UPF3A: variants seen among roughly 807,000 people sequenced by gnomAD.
UPF3A encodes regulator of nonsense transcripts 3A.
UPF3A carries 42 observed loss-of-function variants against 53.5 expected under a neutral mutation model. The ratio of observed to expected loss-of-function variants is 0.78; its 90% CI spans 0.61 to 1.01. The LOEUF is 1.01. Among genes scored for constraint, UPF3A ranks in the 50% least tolerant of loss-of-function variants. The probability of loss-of-function intolerance (pLI) is 0.00; values close to 1 mark genes in which losing one functional copy is unlikely to be tolerated. For missense variants in UPF3A, 575 were observed against 598.0 expected (o/e 0.96, Z 0.40); for synonymous variants, 237 against 225.3 (o/e 1.05, Z -0.47).
intron 3 of UPF3A, chr13:114,283,616 C>T (rs1251599763): frequency 2.9e-6 from 1 of 348,796 alleles, no homozygotes; most frequent in Non-Finnish European, 4.0e-6. Context: ...TTCTATCTTC[C>T]TAAACAGCAT....
chr13:114,292,907 T>C (rs949145129), intron 7 of UPF3A, among the ~76,000 whole-genome samples: 2 of 151,898 alleles, frequency 1.3e-5, no homozygotes, highest in African/African-American at 4.8e-5. Flanking sequence ...ACCCTGTCTC[T>C]ACTAAAAATA....
chr13:114,282,910 C>A lies in UPF3A; in HGVS notation c.388C>A (p.Arg130Ser). ...NPDDILLFRD[R>S]FDGYIFLDSK... ...TGATGACATCCTTCTTTTTAGAGAT[C>A]GTTTTGATGGATATATCTTCCTTGA... Residue 130 changes from arginine (R) to serine (S), a missense_variant, in exon 3 of 10, where the codon CGT becomes AGT. This residue lies in a region of UPF3A where 252 missense variants were observed against 182.7 expected (regional missense o/e 1.38). Coordinates refer to ENST00000375299, the MANE Select transcript of UPF3A (RefSeq NM_023011.4). 1 of 1,611,590 alleles carries A rather than the reference C, an allele frequency of 6.2e-7. No individual in the cohort carries two copies. Among genetic ancestry groups the A allele is most frequent in the Non-Finnish European group, 8.5e-7 (1 of 1,178,354 alleles).
chr13:114,303,410 C>G (rs1031244517), intron 9 of UPF3A, among the ~76,000 whole-genome samples: 11 of 152,176 alleles, frequency 7.2e-5, no homozygotes, highest in Non-Finnish European at 1.5e-5. Context: ...GAGCTACTTT[C>G]CCGGGAGCCT....
At chr13:114,293,748 G>C (rs2085544262) in intron 7 of UPF3A, among the ~76,000 whole-genome samples, 1 of 152,136 alleles carries the variant, frequency 6.6e-6, no homozygotes, top group Non-Finnish European at 1.5e-5. Flanking sequence ...TCAGGACTTG[G>C]GGAAAGAAGA....
chr13:114,292,391 G>A lies in UPF3A; in HGVS notation c.846+599G>A, dbSNP rs375152646. On this transcript the variant is annotated intron_variant, in intron 7 of 9. Coordinates refer to ENST00000375299, the MANE Select transcript of UPF3A (RefSeq NM_023011.4). Reference sequence around the variant, plus strand: ...GCAGGTGTGTTACGTGTTCATTTTCGGCTCAAGGCTTACACGTGCAGGTGT... The same window carrying A: ...GCAGGTGTGTTACGTGTTCATTTTCAGCTCAAGGCTTACACGTGCAGGTGT... 5.5e-5 allele frequency among the ~76,000 whole-genome samples: 8 copies of A among 145,966 alleles called. No homozygotes were observed. The East Asian group carries it at 1.4e-3, about 26-fold the overall frequency.
In UPF3A at chr13:114,286,309, A is replaced by G. The variant is rs756447475; in HGVS notation, c.429A>G (p.Glu143=). Residue 143 remains glutamate (E), a synonymous_variant, in exon 4 of 10, where the codon GAA becomes GAG. Transcript: ENST00000375299. ...GYIFLDSKGL[E]YPAVVEFAPF... is the part of the protein sequence containing the mutation. Reference sequence around the variant, plus strand: ...CATGTTTCCTGTTAAAAGGCCTAGAATATCCTGCAGTGGTAGAGTTTGCTC... The same window carrying G: ...CATGTTTCCTGTTAAAAGGCCTAGAGTATCCTGCAGTGGTAGAGTTTGCTC... 6.2e-7 allele frequency: 1 copy of G among 1,613,992 alleles called. No homozygotes were observed. The highest frequency in any genetic ancestry group is 1.3e-5 in the African/African-American group (1 of 74,920).
At chr13:114,296,882 T>C (rs912415807) in intron 7 of UPF3A, among the ~76,000 whole-genome samples, 1 of 152,132 alleles carries the variant, frequency 6.6e-6, no homozygotes, top group Non-Finnish European at 1.5e-5. Context: ...GTTGAATGGG[T>C]GGATGGAGAT....
intron 3 of UPF3A, chr13:114,285,828 A>C (rs2084630194): frequency 6.5e-6 from 1 of 154,974 alleles, no homozygotes; most frequent in Non-Finnish European, 1.4e-5. Flanking sequence ...TGATAGTTGA[A>C]TTAACCTTTT....
chr13:114,300,088 T>C (rs2086459488), intron 8 of UPF3A, among the ~76,000 whole-genome samples: 1 of 152,252 alleles, frequency 6.6e-6, no homozygotes, highest in Non-Finnish European at 1.5e-5. Flanking sequence ...CAGCAGGACC[T>C]ACTGCCACGT....
chr13:114,282,236 G>T (rs1566719585), intron 2 of UPF3A, 109 bp downstream of exon 2: 4 of 950,458 alleles, frequency 4.2e-6, no homozygotes, highest in Non-Finnish European at 4.6e-6. Context: ...TATGGGAGTC[G>T]TGTGAGCTTT....
intron 8 of UPF3A, among the ~76,000 whole-genome samples, chr13:114,300,072 A>G (rs1170240271): frequency 1.3e-5 from 2 of 152,208 alleles, no homozygotes; most frequent in African/African-American, 4.8e-5. Context: ...GTGACAGTTG[A>G]TGACACAGCA....
Position 114,301,863 on chromosome 13 carries a change from A to G in UPF3A, c.1140A>G (p.Arg380=). 6.2e-7 allele frequency: 1 copy of G among 1,612,838 alleles called. No homozygotes were observed. Among genetic ancestry groups the G allele is most frequent in the Non-Finnish European group, 8.5e-7 (1 of 1,179,572 alleles). Residue 380 remains arginine, a synonymous_variant, in exon 9 of 10, where the codon AGA becomes AGG. Coordinates refer to ENST00000375299, the MANE Select transcript of UPF3A (RefSeq NM_023011.4). The part of the protein sequence containing the change: ...RAHHEPERLS[R]RSEDEQRWGK... ...ACCACGAGCCTGAACGGCTTTCCAG[A>G]AGGAGTGAGGATGAGCAGAGATGGG...
At chr13:114,295,122 A>C (rs1175124746) in intron 7 of UPF3A, among the ~76,000 whole-genome samples, 10 of 151,474 alleles carry the variant, frequency 6.6e-5, no homozygotes, top group Non-Finnish European at 1.2e-4. Context: ...AAAAAAAAAA[A>C]AAAAAAGAAA....
chr13:114,283,011 T>G lies in UPF3A; in HGVS notation c.421+68T>G, dbSNP rs761578428. 3.4e-6 allele frequency: 4 copies of G among 1,192,540 alleles called. No individual in the cohort carries two copies. The South Asian group carries it at 5.4e-5, about 16-fold the overall frequency. The allele number at this position is 1,192,540 out of a possible 1,614,324, so 73.9% of individuals were successfully genotyped here. A position where few individuals can be genotyped will look rare whatever the true frequency, so the allele number is the denominator to read the frequency against. On this transcript the variant is annotated intron_variant, in intron 3 of 9. Transcript: ENST00000375299. ...ATACTAATGAAGTATTGCTAGAATA[T>G]TCGTGCTTTTTAAATTATTATTATT...
chr13:114,300,620 A>G (rs1364163128), intron 8 of UPF3A, among the ~76,000 whole-genome samples: 1 of 150,948 alleles, frequency 6.6e-6, no homozygotes, highest in African/African-American at 2.4e-5. Context: ...GCTCACCACA[A>G]CCTCTGCCTC....
In UPF3A at chr13:114,305,105, A is replaced by G. The variant is rs547379558; in HGVS notation, c.*188A>G. 10 of 628,642 alleles carry G rather than the reference A, an allele frequency of 1.6e-5. No individual in the cohort carries two copies. Among genetic ancestry groups the G allele is most frequent in the Non-Finnish European group, 1.6e-5 (6 of 366,496 alleles). 38.9% of individuals were successfully genotyped at this position (628,642 alleles called of 1,614,324 possible). A position where few individuals can be genotyped will look rare whatever the true frequency, so the allele number is the denominator to read the frequency against. ...GTAGTGATCTTGTATTAAATTGAGC[A>G]GAATTCTCACAGATTTTACCATTCC... On this transcript the variant is annotated 3_prime_UTR_variant, in exon 10 of 10. Coordinates refer to ENST00000375299, the MANE Select transcript of UPF3A (RefSeq NM_023011.4).
rs760579879 is a variant in UPF3A at position 114,302,057 on chromosome 13, C to G, written c.1302+32C>G. ...ATTAAACCCAAAAAGAAAAATGTGTCTGGCTGTCTTAAGGTCCAGGCTGCA... is the reference window on the plus strand; with the variant it reads ...ATTAAACCCAAAAAGAAAAATGTGTGTGGCTGTCTTAAGGTCCAGGCTGCA... On this transcript the variant is annotated intron_variant, in intron 9 of 9. Transcript: ENST00000375299. 6.0e-6 allele frequency: 9 copies of G among 1,499,034 alleles called. No individual in the cohort carries two copies. In the African/African-American group the frequency reaches 1.3e-4, roughly 21 times the overall value. The allele number at this position is 1,499,034 out of a possible 1,614,324, so 92.9% of individuals were successfully genotyped here.
rs866183657 is a variant in UPF3A, at chr13:114,301,804, T to G, written c.1081T>G (p.Tyr361Asp). Residue 361 changes from tyrosine (Y) to aspartate (D), a missense_variant, in exon 9 of 10, where the codon TAC (tyrosine) becomes GAC (aspartate). By Grantham distance (160) the Tyr-to-Asp change is radical. Transcript: ENST00000375299. ...AGAACAAGAATCTGAAGCACAAAGA[T>G]ACCATGTGGATGACGGCAGGAGGCA... is the stretch of plus-strand genomic sequence containing the variant. The part of the protein sequence containing the change: ...SQEQESEAQR[Y>D]HVDDGRRHRA... 6.2e-7 allele frequency: 1 copy of G among 1,613,822 alleles called. No homozygotes were observed. The highest frequency in any genetic ancestry group is 1.7e-4 in the Middle Eastern group (1 of 6,018).
rs1175797745 is a variant in UPF3A at position 114,291,618 on chromosome 13, T to G, written c.688-16T>G. The G allele has an allele frequency of 6.2e-7, 1 of 1,604,560 alleles. No individual in the cohort carries two copies. ...TCATCCAGGCAGTTTATACACACGC[T>G]CTTCCATGTCTTTAGAGAATTCGAG... On this transcript the variant is annotated splice_polypyrimidine_tract_variant and intron_variant, in intron 6 of 9. Coordinates refer to ENST00000375299, the MANE Select transcript of UPF3A (RefSeq NM_023011.4).
Sources: gnomAD v4.1 joint callset for allele counts (sites outside exome capture counted in the v4.1 genomes callset) on GRCh38, gnomAD v4.1.1 for gene constraint, gnomAD v4.1.1 regional missense constraint, MANE v1.5 for transcripts, NCBI Gene and HGNC (gene_info 2026-07-23, HGNC 2026-07-21) for gene names.